The following TMEM71 variants were observed in gnomAD, a reference collection of about 807,000 sequenced individuals.
TMEM71 encodes the protein transmembrane protein 71.
TMEM71 carries 44 observed loss-of-function variants against 38.0 expected under a neutral mutation model. That is an observed-to-expected ratio of 1.16 (90% CI 0.91 to 1.49). The LOEUF (loss-of-function observed/expected upper bound fraction) is 1.49. TMEM71 is among the 40% of genes most tolerant of loss of function. The probability of loss-of-function intolerance (pLI) is 0.00; values close to 1 mark genes in which losing one functional copy is unlikely to be tolerated. For missense variants in TMEM71, 367 were observed against 348.6 expected, an observed-to-expected ratio of 1.05 and a Z score of -0.42; for synonymous variants, 133 against 122.5, an observed-to-expected ratio of 1.09 and a Z score of -0.56.
chr8:132,724,633 T>C lies in TMEM71; in HGVS notation c.677-2518A>G, dbSNP rs148446290. On this transcript the variant is annotated intron_variant, in intron 6 of 9. Transcript: ENST00000677595. ...ATGTTTTACAATCAATTTGTACAGT[T>C]AACGCAATCATCACAGTGCTCCTGA... Among the ~76,000 whole-genome samples, 1,086 of 152,316 alleles carry C rather than the reference T, an allele frequency of 7.1e-3. 16 individuals are homozygous for C. Among genetic ancestry groups the C allele is most frequent in the African/African-American group, 0.025 (1,048 of 41,568 alleles).
intron 1 of TMEM71, chr8:132,759,357 A>G (rs991761632): frequency 6.5e-6 from 1 of 153,972 alleles, no homozygotes; most frequent in Admixed American, 6.5e-5. Context: ...CAGTGCTTGG[A>G]GATTGGTGTC....
intron 9 of TMEM71, among the ~76,000 whole-genome samples, chr8:132,713,427 A>T (rs935241412): frequency 2.6e-5 from 4 of 152,140 alleles, no homozygotes; most frequent in African/African-American, 9.7e-5. Context: ...AAGCCATGTG[A>T]GTTTGCCTCT....
At chr8:132,731,607 G>A (rs990970551) in intron 5 of TMEM71, among the ~76,000 whole-genome samples, 2 of 152,152 alleles carry the variant, frequency 1.3e-5, no homozygotes, top group African/African-American at 4.8e-5. Flanking sequence ...TCTGCCCCCT[G>A]CCTCATCACA....
chr8:132,775,454 G>T, the TMEM71 span: 1 of 383,704 alleles, frequency 2.6e-6, no homozygotes, highest in South Asian at 1.3e-4. Flanking sequence ...CGAGCTTGAG[G>T]GCTCGGACCC....
chr8:132,721,539 CT>C (rs796756774), intron 7 of TMEM71, among the ~76,000 whole-genome samples: 23 of 138,946 alleles, frequency 1.7e-4, no homozygotes, highest in East Asian at 4.2e-4. Context: ...TTTTCTTTTT[CT>C]TTTTTTTTTG....
chr8:132,725,537 T>C (rs1042832640), intron 6 of TMEM71, among the ~76,000 whole-genome samples: 5 of 152,188 alleles, frequency 3.3e-5, no homozygotes, highest in Admixed American at 6.5e-5. Context: ...TTTCCATCCA[T>C]TGGAACTCAA....
chr8:132,726,476 C>G (rs1041537133), intron 6 of TMEM71, among the ~76,000 whole-genome samples: 4 of 152,110 alleles, frequency 2.6e-5, no homozygotes, highest in African/African-American at 9.7e-5. Flanking sequence ...ATAGACATGA[C>G]ATAGTATGCT....
At chr8:132,748,566 A>G (rs2131164778) in intron 4 of TMEM71, among the ~76,000 whole-genome samples, 1 of 152,370 alleles carries the variant, frequency 6.6e-6, no homozygotes, top group South Asian at 2.1e-4. Flanking sequence ...GTTCATGACA[A>G]TGGAACACAT....
At chr8:132,748,486 A>G (rs1235073519) in intron 4 of TMEM71, among the ~76,000 whole-genome samples, 1 of 152,220 alleles carries the variant, frequency 6.6e-6, no homozygotes, top group Admixed American at 6.5e-5. Flanking sequence ...GCTACTGTTG[A>G]GAAAATCTGC....
chr8:132,769,965 C>T, the TMEM71 span, among the ~76,000 whole-genome samples: 198 of 152,316 alleles, frequency 1.3e-3, 8 homozygotes, highest in East Asian at 0.031. Context: ...CTGTTCTCAA[C>T]GAAAAGAATG....
At chr8:132,756,618 G>T (rs192798462) in intron 3 of TMEM71, among the ~76,000 whole-genome samples, 1 of 150,462 alleles carries the variant, frequency 6.6e-6, no homozygotes, top group Non-Finnish European at 1.5e-5. Context: ...TTTGAGACTC[G>T]CTCTGTTGCC....
Position 132,720,893 on chromosome 8 carries a change from C to T in TMEM71, c.752+1147G>A, listed in dbSNP as rs541342322. On this transcript the variant is annotated intron_variant, in intron 7 of 9. Coordinates refer to ENST00000677595, the MANE Select transcript of TMEM71 (RefSeq NM_001382403.1). The stretch of plus-strand genomic sequence containing the variant: ...AGGATACTGAAGTGAGGGAGACGCA[C>T]AATGTGTCTGCTGTCAGGCAGCTCA... Among the ~76,000 whole-genome samples, 4 of 152,300 alleles carry T rather than the reference C, an allele frequency of 2.6e-5. No individual in the cohort carries two copies. In the South Asian group the frequency reaches 8.3e-4, roughly 32 times the overall value.
chr8:132,727,650 T>C, intron 6 of TMEM71, 148 bp downstream of exon 6: 6 of 621,890 alleles, frequency 9.6e-6, no homozygotes, highest in Non-Finnish European at 1.6e-5. Context: ...AAGGGTCACC[T>C]GGGCTTTGGC....
chr8:132,730,079 C>T (rs146199944), intron 5 of TMEM71, among the ~76,000 whole-genome samples: 11 of 152,192 alleles, frequency 7.2e-5, no homozygotes, highest in African/African-American at 2.6e-4. Context: ...CTGCCTCAGC[C>T]TCCCGAATAG....
chr8:132,713,879 C>T (rs949982627), intron 9 of TMEM71, 116 bp downstream of exon 9: 12 of 983,414 alleles, frequency 1.2e-5, no homozygotes, highest in Middle Eastern at 2.1e-4. Context: ...GTCTTCAGGA[C>T]GAATGATCAG....
At chr8:132,731,292 T>C (rs1375779850) in intron 5 of TMEM71, among the ~76,000 whole-genome samples, 2 of 152,116 alleles carry the variant, frequency 1.3e-5, no homozygotes, top group Non-Finnish European at 2.9e-5. Context: ...ATCAACTTCA[T>C]GGGGAGTAGG....
chr8:132,760,250 A>C (rs183662720), intron 1 of TMEM71: 1 of 152,228 alleles, frequency 6.6e-6, no homozygotes, highest in Admixed American at 6.5e-5. Flanking sequence ...TGCCAGTTCC[A>C]TCAAAGCGAC....
chr8:132,716,557 A>C (rs1283008725), intron 7 of TMEM71, among the ~76,000 whole-genome samples: 2 of 152,236 alleles, frequency 1.3e-5, no homozygotes. Context: ...ACCCATCTAC[A>C]TAAGTAATCT....
downstream of TMEM71, among the ~76,000 whole-genome samples, chr8:132,706,316 C>A (rs1378007183): frequency 2.6e-5 from 4 of 152,208 alleles, no homozygotes; most frequent in East Asian, 7.7e-4. Context: ...TCTTACCCTT[C>A]TTGTTTCATG....
Sources: allele counts gnomAD v4.1 joint callset (sites outside exome capture counted in the v4.1 genomes callset), GRCh38; gene constraint gnomAD v4.1.1; transcripts MANE v1.5; gene names NCBI Gene and HGNC (gene_info 2026-07-23, HGNC 2026-07-21).